PHF8: variants seen among roughly 807,000 people sequenced by gnomAD.
PHF8 encodes the protein PHD finger protein 8, also known as histone lysine demethylase PHF8.
PHF8 carries 9 observed loss-of-function variants against 74.4 expected under a neutral mutation model. That is an observed-to-expected ratio of 0.12 (90% CI 0.07 to 0.21). The LOEUF is 0.21. PHF8 is among the 10% of genes least tolerant of loss of function. PHF8 has a pLI of 1.00. For synonymous variants in PHF8, 311 were observed against 316.6 expected (o/e 0.98, Z 0.19); for missense variants, 478 against 816.6 (o/e 0.59, Z 5.05).
Position 53,985,012 on chromosome X carries a change from C to G in PHF8, c.2345G>C (p.Arg782Pro), listed in dbSNP as rs782358977. The G allele has an allele frequency of 3.3e-6, 4 of 1,211,036 alleles. No individual in the cohort carries two copies. Among genetic ancestry groups the G allele is most frequent in the Non-Finnish European group, 4.5e-6 (4 of 894,819 alleles). ...QRTPGKRPIK[R>P]PAYWRTESEE... ...GCTCTCGGTTCTCCAGTATGCTGGCCGCTTGATGGGCCGCTTCCCTGGGGT... is the reference window on the plus strand; with the variant it reads ...GCTCTCGGTTCTCCAGTATGCTGGCGGCTTGATGGGCCGCTTCCCTGGGGT... The change falls in exon 18 of 22, where the codon CGG becomes CCG. Residue 782 changes from arginine to proline, a missense_variant. Physicochemically the swap from Arg to Pro is moderately radical, Grantham distance 103. Transcript: ENST00000338154.
chrX:53,989,989 C>T (rs1486035438), intron 14 of PHF8, among the ~76,000 whole-genome samples: 1 of 111,392 alleles, frequency 9.0e-6, no homozygotes, highest in Non-Finnish European at 1.9e-5. Flanking sequence ...AGAGGAGATG[C>T]TCAATAAATG....
At chrX:53,948,631 T>C (rs2064869933) in intron 19 of PHF8, among the ~76,000 whole-genome samples, 1 of 111,617 alleles carries the variant, frequency 9.0e-6, no homozygotes, top group Non-Finnish European at 1.9e-5. Flanking sequence ...TAGATACAGA[T>C]AGAGGAATCA....
At chrX:53,999,640 T>C in intron 11 of PHF8, 1 of 384,536 alleles carries the variant, frequency 2.6e-6, no homozygotes, top group Non-Finnish European at 4.6e-6. Context: ...TTTTCCTTCT[T>C]TATGCTTTTC....
chrX:54,030,433 A>T (rs1557112312), intron 2 of PHF8, among the ~76,000 whole-genome samples: 1 of 111,809 alleles, frequency 8.9e-6, no homozygotes, highest in Admixed American at 9.5e-5. Context: ...AGTTATCCCC[A>T]TGGTATACTG....
At chrX:53,999,792 C>T in intron 11 of PHF8, 78 bp downstream of exon 11, 1 of 605,700 alleles carries the variant, frequency 1.7e-6, no homozygotes, top group East Asian at 3.5e-5. Context: ...TCTCTTCTGT[C>T]TCTCCAAAAC....
chrX:54,032,095 C>T (rs1569529679), intron 2 of PHF8, among the ~76,000 whole-genome samples: 1 of 111,662 alleles, frequency 9.0e-6, no homozygotes, highest in Non-Finnish European at 1.9e-5. Context: ...GATCACAACT[C>T]TCACTTGCTC....
chrX:53,988,960 CTT>C (rs1196324158), intron 14 of PHF8, among the ~76,000 whole-genome samples: 3 of 99,395 alleles, frequency 3.0e-5, no homozygotes, highest in Non-Finnish European at 2.0e-5. Context: ...TTTATATTTG[CTT>C]TTTTTTTTTT....
intron 2 of PHF8, among the ~76,000 whole-genome samples, chrX:54,036,768 G>A (rs1339472733): frequency 8.3e-5 from 9 of 108,291 alleles, no homozygotes; most frequent in African/African-American, 3.0e-4. Context: ...GGAGGCCGAG[G>A]CGGGTGGATC....
chrX:53,987,992 C>G, intron 14 of PHF8, 48 bp from the exon 15 acceptor site: 1 of 974,742 alleles, frequency 1.0e-6, no homozygotes, highest in Non-Finnish European at 1.5e-6. Flanking sequence ...TATTGTTAGT[C>G]GCTAGCAAGA....
intron 19 of PHF8, among the ~76,000 whole-genome samples, chrX:53,948,822 G>A (rs1349331431): frequency 5.5e-5 from 6 of 108,800 alleles, no homozygotes; most frequent in African/African-American, 2.0e-4. Flanking sequence ...TCAGGAGTTC[G>A]AGACCAGTCT....
intron 2 of PHF8, among the ~76,000 whole-genome samples, chrX:54,041,856 G>A (rs781823456): frequency 8.9e-6 from 1 of 112,448 alleles, no homozygotes; most frequent in African/African-American, 3.2e-5. Flanking sequence ...TGAAGACAAT[G>A]AGGCTCAGAA....
At chrX:54,002,079 G>A (rs1398144614) in intron 10 of PHF8, 76 bp downstream of exon 10, 6 of 566,402 alleles carry the variant, frequency 1.1e-5, no homozygotes, top group African/African-American at 9.0e-5. Context: ...TCTTGACTGC[G>A]TTACTTACAC....
At position 53,940,215 on chromosome X, in the gene PHF8, G is replaced by A. The variant is rs782095354; in HGVS notation, c.2951C>T (p.Pro984Leu). ...CTGATTGCTCTGGGAGCCAACTGAA[G>A]GGCGCCGCTGGGTCAAGAAGACACC... ...APGVFLTQRRPSVGSQSNQAG... is the reference protein window; with the variant it reads ...APGVFLTQRRLSVGSQSNQAG... The change falls in exon 21 of 22, where the codon CCT becomes CTT. Residue 984 changes from proline (P) to leucine (L), a missense_variant. Around this residue, in one of 9 missense-constraint regions of PHF8, gnomAD observed 75 missense variants for 93.3 expected, o/e 0.80. Coordinates refer to ENST00000338154, the MANE Select transcript of PHF8 (RefSeq NM_015107.3). 1.3e-5 allele frequency: 15 copies of A among 1,185,867 alleles called. No homozygotes were observed. Among genetic ancestry groups the A allele is most frequent in the Non-Finnish European group, 1.7e-5 (15 of 882,661 alleles).
chrX:53,964,500 G>GA (rs1373990187), intron 18 of PHF8, among the ~76,000 whole-genome samples: 1 of 111,217 alleles, frequency 9.0e-6, no homozygotes, highest in African/African-American at 3.3e-5. Flanking sequence ...ATTATGCTAA[G>GA]AAAAAAAGGC....
rs2064731333 is a variant in PHF8 at position 53,940,300 on chromosome X, C to T, written c.2866G>A (p.Ala956Thr). ...SGSLADHEYT[A>T]RPNAFGMAQA... ...GCCATGCCAAAGGCATTGGGACGAG[C>T]GGTGTACTCATGGTCAGCGAGACTT... The change falls in exon 21 of 22, where the codon GCT (alanine) becomes ACT (threonine). Residue 956 changes from alanine (A) to threonine (T), a missense_variant. This residue lies in a region of PHF8 where 75 missense variants were observed against 93.3 expected (regional missense o/e 0.80). Coordinates refer to ENST00000338154, the MANE Select transcript of PHF8 (RefSeq NM_015107.3). 4 of 1,206,850 alleles carry T rather than the reference C, an allele frequency of 3.3e-6. No homozygotes were observed. The highest frequency in any genetic ancestry group is 3.0e-5 in the East Asian group (1 of 33,716).
intron 18 of PHF8, among the ~76,000 whole-genome samples, chrX:53,964,527 C>A (rs73634941): frequency 1.9e-4 from 21 of 111,356 alleles, no homozygotes; most frequent in African/African-American, 6.8e-4. Flanking sequence ...AAATGCTATA[C>A]AATTCCACTC....
chrX:53,953,659 C>CA (rs1557087762), intron 19 of PHF8, among the ~76,000 whole-genome samples: 16 of 86,903 alleles, frequency 1.8e-4, no homozygotes, highest in African/African-American at 8.3e-4. Context: ...AAAAAAAAAG[C>CA]GGGGGGGGTC....
At chrX:53,968,582 G>C in intron 18 of PHF8, among the ~76,000 whole-genome samples, 1 of 112,336 alleles carries the variant, frequency 8.9e-6, no homozygotes, top group Non-Finnish European at 1.9e-5. Context: ...GCATTATCCT[G>C]ATACCAAAAC....
intron 18 of PHF8, among the ~76,000 whole-genome samples, chrX:53,965,169 ACACACACACGCACG>A (rs1238099616): frequency 4.7e-4 from 53 of 112,260 alleles, no homozygotes; most frequent in Non-Finnish European, 7.3e-4. Flanking sequence ...ACGTGTGCAC[ACACACACACGCACG>A]CACACACACA....
Sources: gnomAD v4.1 joint callset for allele counts (sites outside exome capture counted in the v4.1 genomes callset) on GRCh38, gnomAD v4.1.1 for gene constraint, gnomAD v4.1.1 regional missense constraint, MANE v1.5 for transcripts, NCBI Gene and HGNC (gene_info 2026-07-23, HGNC 2026-07-21) for gene names.